CIT: variants seen among roughly 807,000 people sequenced by gnomAD.
CIT encodes the protein citron Rho-interacting kinase.
In CIT, 79 loss-of-function variants were observed where a neutral mutation model predicts 272.7. The ratio of observed to expected loss-of-function variants is 0.29; its 90% CI spans 0.24 to 0.35. The LOEUF (loss-of-function observed/expected upper bound fraction) is 0.35, where lower values mean the gene tolerates loss of function less well. Among genes scored for constraint, CIT ranks in the 10% least tolerant of loss-of-function variants. CIT has a pLI of 1.00. For synonymous variants in CIT, 948 were observed against 995.6 expected (o/e 0.95, Z 0.90); for missense variants, 1,909 against 2,618.3 (o/e 0.73, Z 5.91).
chr12:119,726,011 C>CGTGT (rs3999591), intron 28 of CIT, among the ~76,000 whole-genome samples: 85 of 150,014 alleles, frequency 5.7e-4, no homozygotes, highest in East Asian at 1.8e-3. Context: ...ACCAAATATA[C>CGTGT]GTGTGTGTGT....
chr12:119,708,355 A>G, intron 39 of CIT, 37 bp from the exon 40 acceptor site: 1 of 1,492,212 alleles, frequency 6.7e-7, no homozygotes, highest in South Asian at 1.4e-5. Context: ...GTCAGTGTGA[A>G]GCCGTTAAGT....
chr12:119,769,060 C>A (rs1962786726), intron 18 of CIT, among the ~76,000 whole-genome samples: 1 of 141,236 alleles, frequency 7.1e-6, no homozygotes, highest in Non-Finnish European at 1.5e-5. Context: ...TGTTAGAAAT[C>A]ATTTGATAAT....
At chr12:119,838,401 T>C (rs1356075655) in intron 5 of CIT, among the ~76,000 whole-genome samples, 1 of 152,048 alleles carries the variant, frequency 6.6e-6, no homozygotes, top group Non-Finnish European at 1.5e-5. Flanking sequence ...TAAGAAGAAG[T>C]ATAGTAACAT....
At chr12:119,708,047 TC>T in intron 40 of CIT, 131 bp downstream of exon 40, 1 of 1,012,060 alleles carries the variant, frequency 9.9e-7, no homozygotes, top group African/African-American at 1.8e-5. Context: ...CTCTTTTCTT[TC>T]AAGAGAGCCC....
chr12:119,758,373 G>A (rs1961307675), intron 21 of CIT, among the ~76,000 whole-genome samples: 1 of 152,214 alleles, frequency 6.6e-6, no homozygotes, highest in Non-Finnish European at 1.5e-5. Context: ...ACTCTGTAAT[G>A]TGATGGTAAT....
chr12:119,821,740 C>G (rs770089695), intron 9 of CIT, among the ~76,000 whole-genome samples: 1 of 152,064 alleles, frequency 6.6e-6, no homozygotes, highest in Non-Finnish European at 1.5e-5. Context: ...AGGAAGAATG[C>G]CCTGAAAATA....
At chr12:119,704,909 T>G (rs1029330580) in intron 40 of CIT, among the ~76,000 whole-genome samples, 3 of 152,128 alleles carry the variant, frequency 2.0e-5, no homozygotes, top group Admixed American at 2.0e-4. Context: ...TAAACGAATT[T>G]AGAGAAAATT....
At chr12:119,750,915 G>A (rs961628728) in intron 23 of CIT, among the ~76,000 whole-genome samples, 24 of 151,944 alleles carry the variant, frequency 1.6e-4, no homozygotes, top group African/African-American at 5.6e-4. Context: ...GTTCACTGAC[G>A]GAAATGGGGA....
chr12:119,709,787 AGTGTGTGTGTGTGTGTGTGTGTGT>A lies in CIT; in HGVS notation c.5071+440_5071+463del, dbSNP rs150206566. 1.8e-3 allele frequency among the ~76,000 whole-genome samples: 192 copies of A among 107,696 alleles called. 1 individual carries two copies. The highest frequency in any genetic ancestry group is 0.013 in the East Asian group (48 of 3,710). The allele number at this position is 107,696 out of a possible 152,430, so 70.7% of individuals were successfully genotyped here. A position where few individuals can be genotyped will look rare whatever the true frequency, so the allele number is the denominator to read the frequency against. The stretch of plus-strand genomic sequence containing the variant: ...AAGAGAGAGAGAGAGAGAGAGAGAG[AGTGTGTGTGTGTGTGTGTGTGTGT>A]GTGTGTGTGTGTGTGTGTGTGTGTG... On this transcript the variant is annotated intron_variant, in intron 39 of 47. Coordinates refer to ENST00000392521, the MANE Select transcript of CIT (RefSeq NM_001206999.2).
chr12:119,783,615 T>C (rs988092073), intron 12 of CIT: 9 of 240,020 alleles, frequency 3.7e-5, no homozygotes, highest in Admixed American at 2.0e-4. Flanking sequence ...GGATGGGAGA[T>C]GTTAAGATCT....
intron 13 of CIT, among the ~76,000 whole-genome samples, chr12:119,777,893 T>G (rs1051568395): frequency 6.6e-6 from 1 of 152,158 alleles, no homozygotes; most frequent in Non-Finnish European, 1.5e-5. Flanking sequence ...CCTTTAGAAG[T>G]CATGTGCTCC....
At chr12:119,867,360 T>A (rs1397012077) in intron 3 of CIT, among the ~76,000 whole-genome samples, 1 of 152,050 alleles carries the variant, frequency 6.6e-6, no homozygotes, top group African/African-American at 2.4e-5. Context: ...AGCTAATTCT[T>A]GTATTTTTAG....
Position 119,825,354 on chromosome 12 carries a change from G to A in CIT, c.768C>T (p.Leu256=). Residue 256 remains leucine, a synonymous_variant, in exon 8 of 48, where the codon CTC becomes CTT. Coordinates refer to ENST00000392521, the MANE Select transcript of CIT (RefSeq NM_001206999.2). ...MNSNKMVNAK[L]PIGTPDYMAP... is the part of the protein sequence containing the mutation. ...CCATGTAATCTGGGGTCCCAATCGG[G>A]AGTTTGGCATTCACCTAGAATCCCA... 1 of 1,613,910 alleles carries A rather than the reference G, an allele frequency of 6.2e-7. No individual in the cohort carries two copies. Among genetic ancestry groups the A allele is most frequent in the East Asian group, 2.2e-5 (1 of 44,842 alleles).
chr12:119,820,762 G>T (rs907316523), intron 9 of CIT, among the ~76,000 whole-genome samples: 2 of 152,124 alleles, frequency 1.3e-5, no homozygotes, highest in South Asian at 2.1e-4. Context: ...CTTGAGCTCA[G>T]GAGTTCAAGA....
intron 27 of CIT, 131 bp downstream of exon 27, chr12:119,730,364 T>G: frequency 3.4e-4 from 291 of 865,734 alleles, no homozygotes; most frequent in Non-Finnish European, 3.9e-4. Flanking sequence ...CCATGGGACA[T>G]TTTTGGAGTG....
In CIT at chr12:119,728,679, A is replaced by T; in HGVS notation, c.3487-73T>A. On this transcript the variant is annotated intron_variant, in intron 27 of 47. Coordinates refer to ENST00000392521, the MANE Select transcript of CIT (RefSeq NM_001206999.2). This position sits in a 1 kb window ranked among gnomAD's most constrained non-coding sequence, Gnocchi z 4.3. ...ATGCTGACAACGTTTATGAATGTCC[A>T]CGAACCTTCACGGAGAAAGAATATT... 1 of 999,456 alleles carries T rather than the reference A, an allele frequency of 1.0e-6. No individual in the cohort carries two copies. The highest frequency in any genetic ancestry group is 1.5e-6 in the Non-Finnish European group (1 of 651,434). The allele number at this position is 999,456 out of a possible 1,614,324, so 61.9% of individuals were successfully genotyped here.
intron 28 of CIT, 36 bp from the exon 29 acceptor site, chr12:119,721,485 T>C (rs368914856): frequency 1.3e-6 from 2 of 1,564,332 alleles, no homozygotes; most frequent in African/African-American, 1.3e-5. Flanking sequence ...TGCTTGATAC[T>C]GCACACAATA....
chr12:119,732,747 A>T (rs1958531795), intron 26 of CIT, among the ~76,000 whole-genome samples: 1 of 152,202 alleles, frequency 6.6e-6, no homozygotes, highest in Non-Finnish European at 1.5e-5. Context: ...TGTAATACAG[A>T]CTAATTCATT....
At chr12:119,762,247 A>G (rs1041624235) in intron 19 of CIT, among the ~76,000 whole-genome samples, 1 of 152,226 alleles carries the variant, frequency 6.6e-6, no homozygotes, top group Non-Finnish European at 1.5e-5. Context: ...GACTGATGAA[A>G]AAAAATAGAA....
Sources: allele counts gnomAD v4.1 joint callset (sites outside exome capture counted in the v4.1 genomes callset), GRCh38; gene constraint gnomAD v4.1.1; non-coding constraint Gnocchi (gnomAD v3.1); transcripts MANE v1.5; gene names NCBI Gene and HGNC (gene_info 2026-07-23, HGNC 2026-07-21).